ELOVL4: variants seen among roughly 807,000 people sequenced by gnomAD.
ELOVL4 encodes very long chain fatty acid elongase 4.
Under a neutral mutation model 42.1 loss-of-function variants are expected in ELOVL4, and 18 were observed. The observed-to-expected ratio is 0.43, with a 90% confidence interval of 0.30 to 0.63. The LOEUF (loss-of-function observed/expected upper bound fraction) is 0.63, where lower values mean the gene tolerates loss of function less well. Among genes scored for constraint, ELOVL4 ranks in the 30% least tolerant of loss-of-function variants. The pLI, the probability that ELOVL4 is intolerant of heterozygous loss-of-function variation, is 0.15. For synonymous variants in ELOVL4, 117 were observed against 127.0 expected (o/e 0.92, Z 0.53); for missense variants, 299 against 376.2 (o/e 0.79, Z 1.70).
At chr6:79,943,701 T>C (rs919706352) in intron 1 of ELOVL4, among the ~76,000 whole-genome samples, 2 of 152,126 alleles carry the variant, frequency 1.3e-5, no homozygotes, top group African/African-American at 4.8e-5. Context: ...CCAAGTGTCC[T>C]CCTTTCCTTT....
At chr6:79,931,424 C>CTA (rs1349458380) in intron 1 of ELOVL4, among the ~76,000 whole-genome samples, 1 of 152,150 alleles carries the variant, frequency 6.6e-6, no homozygotes, top group South Asian at 2.1e-4. Flanking sequence ...CTGTTGTAGG[C>CTA]ACTACTCAAT....
chr6:79,937,919 G>A (rs1161013797), intron 1 of ELOVL4, among the ~76,000 whole-genome samples: 2 of 152,306 alleles, frequency 1.3e-5, no homozygotes, highest in Non-Finnish European at 2.9e-5. Flanking sequence ...ATGGTAGTGA[G>A]TTTCATCATG....
At chr6:79,941,046 G>A (rs1308087040) in intron 1 of ELOVL4, among the ~76,000 whole-genome samples, 2 of 152,156 alleles carry the variant, frequency 1.3e-5, no homozygotes, top group African/African-American at 2.4e-5. Flanking sequence ...TATTTAGGCA[G>A]TGTTGATAAC....
rs185190995 is a variant in ELOVL4, at chr6:79,916,568, T to G, written c.*40A>C. ...CCTGAAATTTTATATGATATGGGAG[T>G]TTTTCCTCACTGTCAACAACAGTTA... is the stretch of plus-strand genomic sequence containing the variant. On this transcript the variant is annotated 3_prime_UTR_variant, in exon 6 of 6. Coordinates refer to ENST00000369816, the MANE Select transcript of ELOVL4 (RefSeq NM_022726.4). The G allele has an allele frequency of 1.5e-3, 2,371 of 1,611,580 alleles. 5 individuals are homozygous for G. The highest frequency in any genetic ancestry group is 1.8e-3 in the Non-Finnish European group (2,115 of 1,179,622).
chr6:79,919,272 G>A (rs1774210521), intron 5 of ELOVL4, 148 bp downstream of exon 5: 2 of 838,228 alleles, frequency 2.4e-6, no homozygotes, highest in Non-Finnish European at 3.8e-6. Context: ...GTCATCTAGA[G>A]TCAAGTGGGC....
rs373295223 is a variant in ELOVL4, at chr6:79,939,003, T to C, written c.100+8177A>G. The stretch of plus-strand genomic sequence containing the variant: ...TGTAAATCTCAAAGACTTCTAAATA[T>C]ATGGAAAAAATGCCTTCAAGGCCTA... On this transcript the variant is annotated intron_variant, in intron 1 of 5. Coordinates refer to ENST00000369816, the MANE Select transcript of ELOVL4 (RefSeq NM_022726.4). 2.0e-4 allele frequency among the ~76,000 whole-genome samples: 30 copies of C among 152,258 alleles called. No homozygotes were observed. The East Asian group carries it at 5.4e-3, about 27-fold the overall frequency.
intron 1 of ELOVL4, among the ~76,000 whole-genome samples, chr6:79,932,707 C>T (rs1456398071): frequency 6.6e-6 from 1 of 152,180 alleles, no homozygotes; most frequent in African/African-American, 2.4e-5. Flanking sequence ...TACTCCTTTG[C>T]AGCAAAGTGA....
Position 79,924,931 on chromosome 6 carries a change from GA to G in ELOVL4, c.369+20del. ...AAATCAAACCACTTTTACTGATTAA[GA>G]GTATTTTTAATGTACTTACCCTGAC... is the stretch of plus-strand genomic sequence containing the variant. On this transcript the variant is annotated intron_variant, in intron 3 of 5. Transcript: ENST00000369816. 6.9e-7 allele frequency: 1 copy of G among 1,455,364 alleles called. No individual in the cohort carries two copies. The allele number at this position is 1,455,364 out of a possible 1,614,324, so 90.2% of individuals were successfully genotyped here. A position where few individuals can be genotyped will look rare whatever the true frequency, so the allele number is the denominator to read the frequency against.
intron 1 of ELOVL4, among the ~76,000 whole-genome samples, chr6:79,939,920 CAT>C (rs1474827212): frequency 2.0e-5 from 3 of 152,168 alleles, no homozygotes; most frequent in African/African-American, 7.2e-5. Context: ...TGTTGTAGCA[CAT>C]GTCAGAATTT....
At chr6:79,946,823 G>T (rs1255834050) in intron 1 of ELOVL4, among the ~76,000 whole-genome samples, 2 of 152,136 alleles carry the variant, frequency 1.3e-5, no homozygotes, top group Admixed American at 6.5e-5. Flanking sequence ...CCTGTGCACG[G>T]GGAAGAGGGA....
Position 79,916,427 on chromosome 6 carries a change from C to A in ELOVL4, c.*181G>T, listed in dbSNP as rs1226711812. The A allele has an allele frequency of 2.9e-6, 2 of 680,362 alleles. No homozygotes were observed. Among genetic ancestry groups the A allele is most frequent in the African/African-American group, 3.6e-5 (2 of 55,000 alleles). 42.1% of individuals were successfully genotyped at this position (680,362 alleles called of 1,614,324 possible). A position where few individuals can be genotyped will look rare whatever the true frequency, so the allele number is the denominator to read the frequency against. ...AAAAAAATGTTTAAAATAAAAACTTCATAAATAAAACATCTGGGTATGGTA... is the reference window on the plus strand; with the variant it reads ...AAAAAAATGTTTAAAATAAAAACTTAATAAATAAAACATCTGGGTATGGTA... On this transcript the variant is annotated 3_prime_UTR_variant, in exon 6 of 6. Transcript: ENST00000369816.
intron 4 of ELOVL4, among the ~76,000 whole-genome samples, chr6:79,920,178 T>G (rs1490034660): frequency 6.6e-6 from 1 of 152,204 alleles, no homozygotes; most frequent in Non-Finnish European, 1.5e-5. Context: ...CTGTATTGTT[T>G]TAAACTGGGC....
At chr6:79,932,976 G>A (rs1774475363) in intron 1 of ELOVL4, among the ~76,000 whole-genome samples, 2 of 152,138 alleles carry the variant, frequency 1.3e-5, no homozygotes, top group South Asian at 4.1e-4. Context: ...ACCTACAAAA[G>A]TTCCCTTAGT....
intron 1 of ELOVL4, 23 bp from the exon 2 acceptor site, chr6:79,926,404 T>A (rs1339478702): frequency 6.3e-7 from 1 of 1,597,518 alleles, no homozygotes; most frequent in Non-Finnish European, 8.6e-7. Context: ...CAAAATACCA[T>A]AAAATTCATT....
At chr6:79,924,839 T>C in intron 3 of ELOVL4, 113 bp downstream of exon 3, 1 of 724,604 alleles carries the variant, frequency 1.4e-6, no homozygotes, top group South Asian at 1.5e-5. Flanking sequence ...TGTCTCTAAA[T>C]GAATGTTAAA....
At chr6:79,934,200 T>C (rs1489260773) in intron 1 of ELOVL4, among the ~76,000 whole-genome samples, 2 of 151,912 alleles carry the variant, frequency 1.3e-5, no homozygotes, top group Non-Finnish European at 2.9e-5. Context: ...GGAAGGAGCA[T>C]GTACAGTGAG....
intron 1 of ELOVL4, among the ~76,000 whole-genome samples, chr6:79,945,339 T>G (rs1031183207): frequency 6.6e-6 from 1 of 152,246 alleles, no homozygotes; most frequent in African/African-American, 2.4e-5. Context: ...TTATATTATT[T>G]TATATGCCCT....
chr6:79,935,256 T>G (rs1323325900), intron 1 of ELOVL4, among the ~76,000 whole-genome samples: 1 of 152,174 alleles, frequency 6.6e-6, no homozygotes, highest in Non-Finnish European at 1.5e-5. Context: ...CCAATTTTTT[T>G]TCTGATTTCT....
chr6:79,934,090 G>A (rs1561988590), intron 1 of ELOVL4, among the ~76,000 whole-genome samples: 1 of 152,186 alleles, frequency 6.6e-6, no homozygotes, highest in Non-Finnish European at 1.5e-5. Flanking sequence ...CTAGGTGGAG[G>A]CGTCCAGTAG....
Sources: gnomAD v4.1 joint callset for allele counts (sites outside exome capture counted in the v4.1 genomes callset) on GRCh38, gnomAD v4.1.1 for gene constraint, MANE v1.5 for transcripts, NCBI Gene and HGNC (gene_info 2026-07-23, HGNC 2026-07-21) for gene names.